Variants in SPATA6 observed in about 807,000 individuals in gnomAD.
SPATA6 encodes the protein spermatogenesis-associated protein 6.
In SPATA6, 56 loss-of-function variants were observed where a neutral mutation model predicts 65.3. The observed-to-expected ratio is 0.86, with a 90% CI of 0.69 to 1.07. The LOEUF (loss-of-function observed/expected upper bound fraction) is 1.07, where lower values mean the gene tolerates loss of function less well. SPATA6 is among the 50% of genes least tolerant of loss of function. The pLI is 0.00. For synonymous variants in SPATA6, 199 were observed against 213.2 expected (o/e 0.93, Z 0.58); for missense variants, 590 against 594.8 (o/e 0.99, Z 0.08).
At chr1:48,335,312 C>T (rs1406926182) in intron 11 of SPATA6, among the ~76,000 whole-genome samples, 1 of 150,180 alleles carries the variant, frequency 6.7e-6, no homozygotes, top group Non-Finnish European at 1.5e-5. Flanking sequence ...AAAAAAAGAA[C>T]CTGAAAAGCC....
chr1:48,424,720 C>G (rs1284225779), intron 3 of SPATA6, among the ~76,000 whole-genome samples: 1 of 152,178 alleles, frequency 6.6e-6, no homozygotes, highest in Non-Finnish European at 1.5e-5. Flanking sequence ...TAGTTTTGAT[C>G]TGCATTTCTC....
At chr1:48,272,301 T>A in the SPATA6 span, among the ~76,000 whole-genome samples, 1 of 152,178 alleles carries the variant, frequency 6.6e-6, no homozygotes, top group African/African-American at 2.4e-5. Context: ...GTTATTCATC[T>A]TTCATAGCTG....
rs144593574 is a variant in SPATA6, at chr1:48,312,985, T to C, written c.1195-7107A>G. ...AAATGAATGACATGAAGCGAGAAGT[T>C]TAGAGAAAAAAATAAATAAAAAGAA... On this transcript the variant is annotated intron_variant, in intron 11 of 12. Coordinates refer to ENST00000371847, the MANE Select transcript of SPATA6 (RefSeq NM_019073.4). Among the ~76,000 whole-genome samples the C allele has an allele frequency of 9.9e-5, 15 of 151,638 alleles. No individual in the cohort carries two copies. The East Asian group carries it at 2.9e-3, about 29-fold the overall frequency.
At chr1:48,323,751 T>TA (rs904292092) in intron 11 of SPATA6, among the ~76,000 whole-genome samples, 13 of 150,840 alleles carry the variant, frequency 8.6e-5, no homozygotes, top group Admixed American at 2.0e-4. Flanking sequence ...TTGGAAAACC[T>TA]AAAAAAAATG....
At chr1:48,431,398 A>C (rs1439663640) in intron 3 of SPATA6, among the ~76,000 whole-genome samples, 1 of 152,060 alleles carries the variant, frequency 6.6e-6, no homozygotes, top group Non-Finnish European at 1.5e-5. Flanking sequence ...AACCTAAAAA[A>C]ACACACACAC....
intron 9 of SPATA6, among the ~76,000 whole-genome samples, chr1:48,361,162 G>A (rs146867439): frequency 2.6e-4 from 40 of 152,174 alleles, no homozygotes; most frequent in African/African-American, 9.2e-4. Flanking sequence ...TGCCAAGGAA[G>A]TAAAAGTAAA....
intron 11 of SPATA6, among the ~76,000 whole-genome samples, chr1:48,317,751 G>A (rs1645481552): frequency 6.6e-6 from 1 of 151,706 alleles, no homozygotes; most frequent in African/African-American, 2.4e-5. Flanking sequence ...TAAGAAGAAA[G>A]AACACCAAAT....
At chr1:48,283,221 A>G in the SPATA6 span, among the ~76,000 whole-genome samples, 3 of 150,586 alleles carry the variant, frequency 2.0e-5, no homozygotes, top group Non-Finnish European at 4.4e-5. Context: ...TTTAGGAGAT[A>G]TATCTAATGC....
intron 3 of SPATA6, among the ~76,000 whole-genome samples, chr1:48,439,281 C>G (rs1327094692): frequency 6.6e-6 from 1 of 152,198 alleles, no homozygotes; most frequent in Admixed American, 6.5e-5. Context: ...TAAATCTGAC[C>G]TTCCTCAGTC....
chr1:48,463,202 T>A (rs1326170169), intron 1 of SPATA6, among the ~76,000 whole-genome samples: 1 of 152,212 alleles, frequency 6.6e-6, no homozygotes, highest in African/African-American at 2.4e-5. Context: ...CCAATCCCCA[T>A]AATAAATTCC....
At chr1:48,454,873 A>C (rs1434453930) in intron 1 of SPATA6, among the ~76,000 whole-genome samples, 1 of 152,230 alleles carries the variant, frequency 6.6e-6, no homozygotes, top group Admixed American at 6.5e-5. Flanking sequence ...ACATTCATTA[A>C]TACTATCACA....
chr1:48,399,138 A>G (rs1361137480), intron 7 of SPATA6: 1 of 539,198 alleles, frequency 1.9e-6, no homozygotes, highest in Non-Finnish European at 3.2e-6. Context: ...CATGGCATTC[A>G]TAACACAGCT....
At chr1:48,271,812 A>T in the SPATA6 span, among the ~76,000 whole-genome samples, 5 of 152,228 alleles carry the variant, frequency 3.3e-5, no homozygotes, top group African/African-American at 1.2e-4. Flanking sequence ...GATGCCATGG[A>T]TATAAAAATG....
downstream of SPATA6, among the ~76,000 whole-genome samples, chr1:48,292,786 C>T (rs6684996): frequency 0.077 from 11,658 of 152,250 alleles, 609 homozygotes; most frequent in East Asian, 0.23. Flanking sequence ...ATGCACATGC[C>T]CATGAGAATT....
rs573996383 is a variant in SPATA6, at chr1:48,343,544, G to C, written c.1194+12126C>G. ...TTGCATTGGATTTGCCAGAGAGAGA[G>C]GGAAGGAAAGTAGAGATGGAGAGAA... On this transcript the variant is annotated intron_variant, in intron 11 of 12. Transcript: ENST00000371847. Among the ~76,000 whole-genome samples, 17 of 152,196 alleles carry C rather than the reference G, an allele frequency of 1.1e-4. No homozygotes were observed. In the South Asian group the frequency reaches 3.5e-3, roughly 32 times the overall value.
chr1:48,418,101 T>C, intron 3 of SPATA6, among the ~76,000 whole-genome samples: 2 of 152,314 alleles, frequency 1.3e-5, no homozygotes, highest in East Asian at 3.9e-4. Flanking sequence ...AGTAATTGTG[T>C]CTGTACAGGT....
chr1:48,460,514 T>C (rs1276170706), intron 1 of SPATA6, among the ~76,000 whole-genome samples: 1 of 152,114 alleles, frequency 6.6e-6, no homozygotes, highest in Non-Finnish European at 1.5e-5. Flanking sequence ...AAGTTAAGAA[T>C]GTCCACTCTC....
At chr1:48,458,243 A>G (rs1657156712) in intron 1 of SPATA6, among the ~76,000 whole-genome samples, 2 of 152,328 alleles carry the variant, frequency 1.3e-5, no homozygotes, top group South Asian at 4.1e-4. Context: ...AGTAAATCTT[A>G]TCTGTGGTTA....
At chr1:48,379,609 A>G (rs933783521) in intron 9 of SPATA6, among the ~76,000 whole-genome samples, 2 of 152,120 alleles carry the variant, frequency 1.3e-5, no homozygotes, top group East Asian at 1.9e-4. Context: ...AATTGCTAAG[A>G]CAGATTTGTC....
Sources: gnomAD v4.1 joint callset for allele counts (sites outside exome capture counted in the v4.1 genomes callset) on GRCh38, gnomAD v4.1.1 for gene constraint, MANE v1.5 for transcripts, NCBI Gene and HGNC (gene_info 2026-07-23, HGNC 2026-07-21) for gene names.